CADM2: variants seen among roughly 807,000 people sequenced by gnomAD.
The protein encoded by CADM2 is cell adhesion molecule 2.
A neutral mutation model predicts 49.8 loss-of-function variants in CADM2; 12 were observed. The ratio of observed to expected loss-of-function variants is 0.24; its 90% CI spans 0.15 to 0.39. CADM2 has a LOEUF of 0.39. CADM2 is among the 10% of genes least tolerant of loss of function. The pLI, the probability that CADM2 is intolerant of heterozygous loss-of-function variation, is 1.00. For missense variants in CADM2, 378 were observed against 492.3 expected, an observed-to-expected ratio of 0.77 and a Z score of 2.20; for synonymous variants, 214 against 175.4, an observed-to-expected ratio of 1.22 and a Z score of -1.74.
chr3:85,232,163 A>ATTG (rs983519948), intron 1 of CADM2, among the ~76,000 whole-genome samples: 1 of 131,574 alleles, frequency 7.6e-6, no homozygotes, highest in African/African-American at 2.9e-5. Context: ...TATTATTATT[A>ATTG]TTTAGTGATT....
At chr3:86,026,597 T>C (rs1234737903) in intron 8 of CADM2, among the ~76,000 whole-genome samples, 2 of 152,226 alleles carry the variant, frequency 1.3e-5, no homozygotes, top group African/African-American at 4.8e-5. Flanking sequence ...ATCAGGTATG[T>C]CTTTCTCTAC....
chr3:86,030,242 TA>T (rs1253357072), intron 8 of CADM2, among the ~76,000 whole-genome samples: 1 of 152,010 alleles, frequency 6.6e-6, no homozygotes, highest in East Asian at 1.9e-4. Flanking sequence ...TGAGTTATAG[TA>T]ATATTTATTT....
chr3:85,608,371 A>T (rs959178400), intron 1 of CADM2, among the ~76,000 whole-genome samples: 6 of 151,922 alleles, frequency 3.9e-5, no homozygotes, highest in East Asian at 1.9e-4. Flanking sequence ...TCAATTCTGA[A>T]TTTTTTTTAG....
chr3:85,131,445 A>T (rs574676983), intron 1 of CADM2, among the ~76,000 whole-genome samples: 5 of 152,336 alleles, frequency 3.3e-5, no homozygotes, highest in African/African-American at 1.2e-4. Flanking sequence ...TACATCAGAT[A>T]AAAACATAAT....
At chr3:85,038,289 C>A (rs1165912861) in intron 1 of CADM2, among the ~76,000 whole-genome samples, 1 of 152,154 alleles carries the variant, frequency 6.6e-6, no homozygotes, top group Non-Finnish European at 1.5e-5. Context: ...GACACTTATG[C>A]ATACTACAGA....
chr3:85,679,603 T>A lies in CADM2; in HGVS notation c.62-46919T>A, dbSNP rs183518752. ...TCCAATTTCTAGATTGTATTATGCCTGTTTTCACTTTGGGGGAATGGTAAC... is the reference window on the plus strand; with the variant it reads ...TCCAATTTCTAGATTGTATTATGCCAGTTTTCACTTTGGGGGAATGGTAAC... On this transcript the variant is annotated intron_variant, in intron 1 of 9. Transcript: ENST00000383699. Among the ~76,000 whole-genome samples the A allele has an allele frequency of 5.9e-3, 891 of 152,288 alleles. 8 individuals are homozygous for A. Among genetic ancestry groups the A allele is most frequent in the Non-Finnish European group, 9.8e-3 (665 of 68,014 alleles).
chr3:85,157,746 A>T (rs1331894862), intron 1 of CADM2, among the ~76,000 whole-genome samples: 2 of 152,006 alleles, frequency 1.3e-5, no homozygotes, highest in Non-Finnish European at 2.9e-5. Context: ...CCTAGAAGAA[A>T]ACCTAGGCAT....
chr3:85,770,928 A>G (rs977574589), intron 2 of CADM2, among the ~76,000 whole-genome samples: 5 of 152,152 alleles, frequency 3.3e-5, no homozygotes, highest in Non-Finnish European at 5.9e-5. Context: ...TAAGTTAGCA[A>G]TGTAATAAAT....
chr3:85,361,409 T>A (rs1204445767), intron 1 of CADM2, among the ~76,000 whole-genome samples: 1 of 152,182 alleles, frequency 6.6e-6, no homozygotes, highest in African/African-American at 2.4e-5. Flanking sequence ...ACTCAGGGGC[T>A]GCCTTAGCCT....
intron 1 of CADM2, among the ~76,000 whole-genome samples, chr3:85,180,668 T>G (rs1384570675): frequency 6.6e-6 from 1 of 152,160 alleles, no homozygotes; most frequent in Non-Finnish European, 1.5e-5. Context: ...CTGCAGGATT[T>G]CTAATGTATT....
chr3:85,690,431 A>G (rs975524259), intron 1 of CADM2, among the ~76,000 whole-genome samples: 1 of 152,118 alleles, frequency 6.6e-6, no homozygotes. Context: ...GAAGAAAAAC[A>G]CAGGTCCTAT....
intron 1 of CADM2, among the ~76,000 whole-genome samples, chr3:85,305,803 C>G (rs2044198853): frequency 6.6e-6 from 1 of 151,646 alleles, no homozygotes; most frequent in African/African-American, 2.4e-5. Context: ...AATTTACTTA[C>G]TTTAATTCAT....
At chr3:85,600,471 A>C (rs1405001291) in intron 1 of CADM2, among the ~76,000 whole-genome samples, 3 of 152,042 alleles carry the variant, frequency 2.0e-5, no homozygotes, top group Non-Finnish European at 4.4e-5. Flanking sequence ...AGATGTGTTA[A>C]ACTAATGAAG....
chr3:85,385,362 A>G (rs916366461), intron 1 of CADM2, among the ~76,000 whole-genome samples: 7 of 152,208 alleles, frequency 4.6e-5, no homozygotes, highest in Non-Finnish European at 1.0e-4. Context: ...GTGAGCAGGG[A>G]GGGAAAATGT....
rs540208022 is a variant in CADM2 at position 86,029,003 on chromosome 3, G to T, written c.971-36602G>T. Among the ~76,000 whole-genome samples, 8 of 152,238 alleles carry T rather than the reference G, an allele frequency of 5.3e-5. No homozygotes were observed. In the South Asian group the frequency reaches 1.5e-3, roughly 28 times the overall value. ...TGGCTGGATAGGGATACAATGAATT[G>T]TAAGTGCCATGGTGAAAAGCGTGAG... On this transcript the variant is annotated intron_variant, in intron 8 of 9. Coordinates refer to ENST00000383699, the MANE Select transcript of CADM2 (RefSeq NM_001167675.2).
chr3:85,561,688 T>G (rs773522846), intron 1 of CADM2, among the ~76,000 whole-genome samples: 1 of 152,188 alleles, frequency 6.6e-6, no homozygotes, highest in Non-Finnish European at 1.5e-5. Context: ...GCATTGAGGA[T>G]GTGGCCGTGA....
Position 85,225,918 on chromosome 3 carries a change from T to C in CADM2, c.61+266250T>C, listed in dbSNP as rs182767873. Among the ~76,000 whole-genome samples, 191 of 152,342 alleles carry C rather than the reference T, an allele frequency of 1.3e-3. 2 individuals carry two copies. Among genetic ancestry groups the C allele is most frequent in the African/African-American group, 4.4e-3 (181 of 41,578 alleles). On this transcript the variant is annotated intron_variant, in intron 1 of 9. Coordinates refer to ENST00000383699, the MANE Select transcript of CADM2 (RefSeq NM_001167675.2). ...TGGATTACGTTTATTGATTTGTGTA[T>C]GTTGAACCAGCCTTGCATCCCAGGG...
intron 1 of CADM2, among the ~76,000 whole-genome samples, chr3:85,137,346 T>C (rs539511756): frequency 5.9e-5 from 9 of 151,994 alleles, no homozygotes; most frequent in Non-Finnish European, 8.8e-5. Context: ...AAAAATATTA[T>C]TTTTGCAGGT....
At position 85,267,582 on chromosome 3, in the gene CADM2, C is replaced by T. The variant is rs114971434; in HGVS notation, c.61+307914C>T. On this transcript the variant is annotated intron_variant, in intron 1 of 9. Transcript: ENST00000383699. ...TTTACTTATTATATTATCTTCCTTT[C>T]ACAAAATAGAAAGTAAGTTCCATGA... is the stretch of plus-strand genomic sequence containing the variant. Among the ~76,000 whole-genome samples, 1,053 of 151,664 alleles carry T rather than the reference C, an allele frequency of 6.9e-3. 10 individuals are homozygous for T. Among genetic ancestry groups the T allele is most frequent in the African/African-American group, 0.023 (965 of 41,494 alleles).
Sources: gnomAD v4.1 joint callset for allele counts (sites outside exome capture counted in the v4.1 genomes callset) on GRCh38, gnomAD v4.1.1 for gene constraint, MANE v1.5 for transcripts, NCBI Gene and HGNC (gene_info 2026-07-23, HGNC 2026-07-21) for gene names.